The following AIG1 variants were observed in gnomAD, a reference collection of about 807,000 sequenced individuals.
AIG1 encodes the protein androgen induced 1.
Under a neutral mutation model 31.4 loss-of-function variants are expected in AIG1, and 23 were observed. The ratio of observed to expected loss-of-function variants is 0.73; its 90% CI spans 0.53 to 1.04. AIG1 has a LOEUF of 1.04. Among genes scored for constraint, AIG1 ranks in the 50% least tolerant of loss-of-function variants. The pLI is 0.00. For synonymous variants in AIG1, 100 were observed against 110.5 expected (o/e 0.90, Z 0.60); for missense variants, 274 against 295.0 (o/e 0.93, Z 0.52).
chr6:143,098,286 T>A (rs997875972), intron 1 of AIG1, among the ~76,000 whole-genome samples: 1 of 152,238 alleles, frequency 6.6e-6, no homozygotes, highest in African/African-American at 2.4e-5. Context: ...ATTCTGATTT[T>A]TTACTTACAT....
In AIG1 at chr6:143,061,192, C is replaced by G. The variant is rs777888827; in HGVS notation, c.141+126C>G. The G allele has an allele frequency of 9.5e-5, 111 of 1,173,074 alleles. No individual in the cohort carries two copies. In the South Asian group the frequency reaches 1.2e-3, roughly 13 times the overall value. 72.7% of individuals were successfully genotyped at this position (1,173,074 alleles called of 1,614,324 possible). ...CACGTGCGCGCCTCCAGCATCCACC[C>G]GTGTCCTCGCCTCTTCCCCAGTGAT... On this transcript the variant is annotated intron_variant, in intron 1 of 5. Coordinates refer to ENST00000357847, the MANE Select transcript of AIG1 (RefSeq NM_016108.4).
At chr6:143,285,607 C>T (rs1301319496) in intron 4 of AIG1, among the ~76,000 whole-genome samples, 2 of 151,606 alleles carry the variant, frequency 1.3e-5, no homozygotes, top group South Asian at 2.1e-4. Flanking sequence ...GAAGTTGCAG[C>T]GAGCCGAGAT....
intron 2 of AIG1, among the ~76,000 whole-genome samples, chr6:143,147,680 A>G (rs1784826633): frequency 6.6e-6 from 1 of 152,036 alleles, no homozygotes; most frequent in Admixed American, 6.5e-5. Context: ...ACCTGCACCC[A>G]CCCCATTAGC....
At chr6:143,093,338 C>T (rs942998939) in intron 1 of AIG1, among the ~76,000 whole-genome samples, 6 of 152,198 alleles carry the variant, frequency 3.9e-5, no homozygotes, top group Non-Finnish European at 7.4e-5. Flanking sequence ...TCGACCTCTG[C>T]TAGCTTCCAA....
At chr6:143,220,286 TA>T (rs1207155405) in intron 3 of AIG1, among the ~76,000 whole-genome samples, 4 of 152,164 alleles carry the variant, frequency 2.6e-5, no homozygotes, top group Non-Finnish European at 5.9e-5. Context: ...ACTATGTACA[TA>T]TGTATTTAGT....
chr6:143,163,346 C>G (rs1042693532), intron 2 of AIG1, among the ~76,000 whole-genome samples: 1 of 152,200 alleles, frequency 6.6e-6, no homozygotes, highest in African/African-American at 2.4e-5. Flanking sequence ...GGTAACCACT[C>G]CTTGCCAAGT....
At chr6:143,130,390 T>C (rs1467158733) in intron 1 of AIG1, among the ~76,000 whole-genome samples, 1 of 152,092 alleles carries the variant, frequency 6.6e-6, no homozygotes, top group Non-Finnish European at 1.5e-5. Flanking sequence ...CCCTACTGTA[T>C]GCTTAGCTTG....
At chr6:143,118,851 C>G (rs1178105992) in intron 1 of AIG1, among the ~76,000 whole-genome samples, 1 of 151,808 alleles carries the variant, frequency 6.6e-6, no homozygotes. Context: ...TGGAGAGTGT[C>G]CCAAAGAAAG....
intron 3 of AIG1, among the ~76,000 whole-genome samples, chr6:143,200,326 C>A (rs989161732): frequency 1.3e-5 from 2 of 152,196 alleles, no homozygotes; most frequent in Admixed American, 1.3e-4. Context: ...ATGACAACAT[C>A]ATTGTGAAAA....
At chr6:143,203,157 G>A (rs938341501) in intron 3 of AIG1, among the ~76,000 whole-genome samples, 1 of 152,118 alleles carries the variant, frequency 6.6e-6, no homozygotes, top group Non-Finnish European at 1.5e-5. Context: ...TTTAAATTCT[G>A]AATATGACTG....
chr6:143,224,577 A>G (rs1792790618), intron 3 of AIG1, among the ~76,000 whole-genome samples: 1 of 152,222 alleles, frequency 6.6e-6, no homozygotes, highest in South Asian at 2.1e-4. Flanking sequence ...GAATGTGGCT[A>G]TTGTTAATAA....
intron 1 of AIG1, among the ~76,000 whole-genome samples, chr6:143,065,722 CA>C (rs1251551340): frequency 6.6e-6 from 1 of 152,132 alleles, no homozygotes; most frequent in East Asian, 1.9e-4. Context: ...CAAAAACATT[CA>C]AAATGATAGG....
chr6:143,204,441 T>G (rs1057087452), intron 3 of AIG1, among the ~76,000 whole-genome samples: 1 of 152,212 alleles, frequency 6.6e-6, no homozygotes, highest in Non-Finnish European at 1.5e-5. Context: ...AGGAGGTGAA[T>G]TCCACCAGCC....
intron 3 of AIG1, among the ~76,000 whole-genome samples, chr6:143,219,471 AAAAACAAAACAAAAC>A (rs536926876): frequency 6.6e-6 from 1 of 152,158 alleles, no homozygotes; most frequent in Non-Finnish European, 1.5e-5. Context: ...TCCTATCTCT[AAAAACAAAACAAAAC>A]AAAACAAAAC....
At chr6:143,134,407 T>C (rs1312382171) in intron 1 of AIG1, among the ~76,000 whole-genome samples, 2 of 151,542 alleles carry the variant, frequency 1.3e-5, no homozygotes, top group African/African-American at 2.4e-5. Context: ...TTTTTTTTTT[T>C]TTTTTTGGTT....
intron 3 of AIG1, among the ~76,000 whole-genome samples, chr6:143,266,223 T>C (rs1796141887): frequency 6.6e-6 from 1 of 151,556 alleles, no homozygotes; most frequent in South Asian, 2.1e-4. Context: ...GGCGAGCGCC[T>C]GTAATCCCAG....
chr6:143,189,514 A>C, intron 3 of AIG1: 7 of 985,456 alleles, frequency 7.1e-6, no homozygotes, highest in Non-Finnish European at 8.4e-6. Flanking sequence ...TGAGTGTCAT[A>C]TGCTAAGTTA....
chr6:143,295,525 T>C (rs147066930), intron 4 of AIG1, among the ~76,000 whole-genome samples: 1 of 152,318 alleles, frequency 6.6e-6, no homozygotes, highest in East Asian at 1.9e-4. Flanking sequence ...TCTTCTCTGA[T>C]TGTCAAAAGC....
intron 3 of AIG1, among the ~76,000 whole-genome samples, chr6:143,253,075 G>A (rs1795127829): frequency 6.6e-6 from 1 of 152,174 alleles, no homozygotes. Context: ...TAGCCTAAAT[G>A]TAGAAGCGAC....
Sources: gnomAD v4.1 joint callset for allele counts (sites outside exome capture counted in the v4.1 genomes callset) on GRCh38, gnomAD v4.1.1 for gene constraint, MANE v1.5 for transcripts, NCBI Gene and HGNC (gene_info 2026-07-23, HGNC 2026-07-21) for gene names.